Variants in LARP1B observed in about 807,000 individuals in gnomAD.
The protein encoded by LARP1B is La ribonucleoprotein 1B.
Under a neutral mutation model 114.2 loss-of-function variants are expected in LARP1B, and 76 were observed. That is an observed-to-expected ratio of 0.67 (90% CI 0.55 to 0.81). The LOEUF is 0.81. Among genes scored for constraint, LARP1B ranks in the 30% least tolerant of loss-of-function variants. LARP1B has a pLI of 0.00. For missense variants in LARP1B, 1,014 were observed against 1,075.8 expected (o/e 0.94, Z 0.80); for synonymous variants, 345 against 348.0 (o/e 0.99, Z 0.10).
At chr4:128,160,588 A>G (rs1301406327) in intron 11 of LARP1B, among the ~76,000 whole-genome samples, 1 of 152,170 alleles carries the variant, frequency 6.6e-6, no homozygotes, top group African/African-American at 2.4e-5. Context: ...AAACAAAAAC[A>G]TACACAACTT....
intron 5 of LARP1B, among the ~76,000 whole-genome samples, chr4:128,089,278 T>C (rs1388933012): frequency 6.6e-6 from 1 of 152,168 alleles, no homozygotes; most frequent in Non-Finnish European, 1.5e-5. Flanking sequence ...AATTAGATTA[T>C]TCCAAGTTGA....
chr4:128,123,284 C>T (rs763386194), intron 11 of LARP1B: 22 of 985,284 alleles, frequency 2.2e-5, no homozygotes, highest in African/African-American at 3.5e-5. Flanking sequence ...GCCTGTCCTA[C>T]TGCTGTGGGA....
rs189486121 is a variant in LARP1B at position 128,170,039 on chromosome 4, T to C, written c.1649-6833T>C. Among the ~76,000 whole-genome samples, 30 of 152,314 alleles carry C rather than the reference T, an allele frequency of 2.0e-4. 1 individual carries two copies. The East Asian group carries it at 5.8e-3, about 29-fold the overall frequency. ...TATTCTTTTCAAAACATTTTCTAAATTCTTTTGAGACTTCCTCTTTATGGA... is the reference window on the plus strand; with the variant it reads ...TATTCTTTTCAAAACATTTTCTAAACTCTTTTGAGACTTCCTCTTTATGGA... On this transcript the variant is annotated intron_variant, in intron 12 of 19. Coordinates refer to ENST00000326639, the MANE Select transcript of LARP1B (RefSeq NM_018078.4).
intron 13 of LARP1B, among the ~76,000 whole-genome samples, chr4:128,177,989 A>G (rs930287227): frequency 2.0e-5 from 3 of 151,254 alleles, no homozygotes; most frequent in Admixed American, 6.6e-5. Flanking sequence ...ATGAAAATGA[A>G]CAAATTAGAG....
chr4:128,095,461 C>G (rs1277732793), intron 7 of LARP1B, among the ~76,000 whole-genome samples: 2 of 138,302 alleles, frequency 1.4e-5, no homozygotes, highest in African/African-American at 5.5e-5. Flanking sequence ...CCCACTCCAG[C>G]CTGGGCAATA....
Position 128,178,629 on chromosome 4 carries a change from C to T in LARP1B, c.1883C>T (p.Ala628Val). ...RFYPVVKEPK[A>V]IDVKSPRKRK... ...TATCCTGTTGTTAAAGAACCAAAAG[C>T]CATTGATGTAAAGGTATACAAAACA... Residue 628 changes from alanine (A) to valine (V), a missense_variant, in exon 14 of 20, where the codon GCC becomes GTC. Coordinates refer to ENST00000326639, the MANE Select transcript of LARP1B (RefSeq NM_018078.4). 3.7e-6 allele frequency: 6 copies of T among 1,612,972 alleles called. No individual in the cohort carries two copies. Among genetic ancestry groups the T allele is most frequent in the East Asian group, 2.2e-5 (1 of 44,834 alleles).
intron 6 of LARP1B, among the ~76,000 whole-genome samples, chr4:128,219,666 G>A (rs1048355996): frequency 1.8e-5 from 2 of 109,382 alleles, no homozygotes; most frequent in Non-Finnish European, 3.6e-5. Flanking sequence ...GAGGGGGGAG[G>A]GATAGCATTG....
At chr4:128,172,411 G>C (rs1744104198) in intron 12 of LARP1B, among the ~76,000 whole-genome samples, 1 of 152,100 alleles carries the variant, frequency 6.6e-6, no homozygotes, top group African/African-American at 2.4e-5. Context: ...AAAATTAATA[G>C]GCTGGGTGTG....
intron 11 of LARP1B, chr4:128,122,837 A>G: frequency 9.5e-7 from 1 of 1,052,612 alleles, no homozygotes; most frequent in Non-Finnish European, 1.1e-6. Flanking sequence ...TTAAGGTAAA[A>G]TAGAGAACCA....
intron 9 of LARP1B, chr4:128,108,514 C>T: frequency 1.0e-6 from 1 of 985,698 alleles, no homozygotes; most frequent in Non-Finnish European, 1.2e-6. Context: ...GAGGACGTCC[C>T]ATCAACAAAG....
chr4:128,067,504 T>C (rs1162148457), intron 1 of LARP1B, among the ~76,000 whole-genome samples: 1 of 152,226 alleles, frequency 6.6e-6, no homozygotes, highest in Non-Finnish European at 1.5e-5. Flanking sequence ...AGATTCTTGA[T>C]GCCTCGGCCC....
At chr4:128,061,993 C>T in intron 1 of LARP1B, 2 of 985,140 alleles carry the variant, frequency 2.0e-6, no homozygotes, top group African/African-American at 1.7e-5. Flanking sequence ...GGGGCCCTTT[C>T]GGCGGGGAGC....
At chr4:128,202,787 T>G (rs2150910341) in intron 17 of LARP1B, among the ~76,000 whole-genome samples, 1 of 152,314 alleles carries the variant, frequency 6.6e-6, no homozygotes, top group South Asian at 2.1e-4. Flanking sequence ...AGCTACTTCT[T>G]AGGAAGTAGT....
downstream of LARP1B, among the ~76,000 whole-genome samples, chr4:128,213,658 C>CT (rs1561592792): frequency 6.6e-6 from 1 of 152,164 alleles, no homozygotes; most frequent in Admixed American, 6.6e-5. Flanking sequence ...TTAGGGCTTC[C>CT]TTTTTTATTA....
intron 5 of LARP1B, among the ~76,000 whole-genome samples, chr4:128,090,220 G>A (rs940217590): frequency 2.6e-5 from 4 of 152,004 alleles, no homozygotes; most frequent in African/African-American, 9.7e-5. Context: ...TTACAGGTGT[G>A]TGCTATGGCA....
At chr4:128,085,353 C>CTT (rs35260726) in intron 5 of LARP1B, among the ~76,000 whole-genome samples, 26,028 of 85,674 alleles carry the variant, frequency 0.3, 5,112 homozygotes, top group Non-Finnish European at 0.39. Context: ...CCTTAGCTTC[C>CTT]TTTTTTTTTT....
chr4:128,126,148 GTCTC>G (rs1361521513), intron 11 of LARP1B, among the ~76,000 whole-genome samples: 7 of 136,852 alleles, frequency 5.1e-5, no homozygotes, highest in Non-Finnish European at 1.1e-4. Flanking sequence ...TTGAGATGGA[GTCTC>G]TCTCCGTCAC....
intron 11 of LARP1B, among the ~76,000 whole-genome samples, chr4:128,152,030 TATG>T (rs899004147): frequency 1.1e-4 from 16 of 152,342 alleles, no homozygotes; most frequent in African/African-American, 3.6e-4. Flanking sequence ...GTCATTTGGT[TATG>T]ATGATATCTA....
chr4:128,206,719 G>A (rs577247286), intron 18 of LARP1B, 182 bp downstream of exon 18: 1 of 985,320 alleles, frequency 1.0e-6, no homozygotes, highest in African/African-American at 1.7e-5. Flanking sequence ...TTCCTGGGAG[G>A]TGTTGGAAAG....
Sources: allele counts gnomAD v4.1 joint callset (sites outside exome capture counted in the v4.1 genomes callset), GRCh38; gene constraint gnomAD v4.1.1; transcripts MANE v1.5; gene names NCBI Gene and HGNC (gene_info 2026-07-23, HGNC 2026-07-21).